The following PDE4D variants were observed in gnomAD, a reference collection of about 807,000 sequenced individuals.
The protein encoded by PDE4D is phosphodiesterase 4D, also known as 3',5'-cyclic-AMP phosphodiesterase 4D.
In PDE4D, 24 loss-of-function variants were observed where a neutral mutation model predicts 87.4. The observed-to-expected ratio is 0.27, with a 90% CI of 0.20 to 0.39. The LOEUF is 0.39. PDE4D is among the 10% of genes least tolerant of loss of function. PDE4D has a pLI of 1.00. For missense variants in PDE4D, 714 were observed against 1,041.0 expected (o/e 0.69, Z 4.32); for synonymous variants, 384 against 383.2 (o/e 1.00, Z -0.02).
chr5:59,836,538 C>T, intron 1 of PDE4D, among the ~76,000 whole-genome samples: 1 of 151,904 alleles, frequency 6.6e-6, no homozygotes, highest in Non-Finnish European at 1.5e-5. Flanking sequence ...GGATTGAAGG[C>T]TGAGCTCAGC....
intron 1 of PDE4D, among the ~76,000 whole-genome samples, chr5:59,763,619 T>C (rs965955423): frequency 1.3e-5 from 2 of 152,206 alleles, no homozygotes; most frequent in Admixed American, 1.3e-4. Flanking sequence ...AAGAACTTCC[T>C]GATTTCAATT....
chr5:59,971,100 C>A (rs932662322), intron 3 of PDE4D, among the ~76,000 whole-genome samples: 5 of 150,654 alleles, frequency 3.3e-5, no homozygotes, highest in African/African-American at 1.2e-4. Flanking sequence ...AGTAAACTAT[C>A]GCAAGAACAA....
intron 5 of PDE4D, among the ~76,000 whole-genome samples, chr5:59,169,638 CTGTT>C (rs1782453501): frequency 6.6e-6 from 1 of 152,128 alleles, no homozygotes; most frequent in Non-Finnish European, 1.5e-5. Flanking sequence ...CTGGGCTGCA[CTGTT>C]TGTTAGATGA....
chr5:59,713,354 C>T (rs868098621), intron 1 of PDE4D, among the ~76,000 whole-genome samples: 3 of 152,286 alleles, frequency 2.0e-5, no homozygotes, highest in African/African-American at 4.8e-5. Flanking sequence ...AACTACACCA[C>T]GTAAGGCGCA....
intron 3 of PDE4D, among the ~76,000 whole-genome samples, chr5:59,956,246 C>T (rs548246144): frequency 7.9e-4 from 120 of 152,232 alleles, no homozygotes; most frequent in African/African-American, 2.7e-3. Context: ...AACCACACAA[C>T]TAATAACAAC....
chr5:59,082,726 A>G (rs1428211201), intron 5 of PDE4D, among the ~76,000 whole-genome samples: 1 of 151,512 alleles, frequency 6.6e-6, no homozygotes, highest in African/African-American at 2.4e-5. Flanking sequence ...AGTCAATATT[A>G]TAAAGATATC....
intron 1 of PDE4D, among the ~76,000 whole-genome samples, chr5:59,326,194 C>A (rs1775623100): frequency 6.6e-6 from 1 of 151,776 alleles, no homozygotes; most frequent in Non-Finnish European, 1.5e-5. Context: ...GTGCAGCACA[C>A]CAATATGGCA....
chr5:60,282,430 G>A, intron 1 of PDE4D, among the ~76,000 whole-genome samples: 1 of 152,060 alleles, frequency 6.6e-6, no homozygotes, highest in East Asian at 1.9e-4. Context: ...TTCAGTGACA[G>A]TGAAAACATT....
chr5:59,319,745 G>T (rs1332500171), intron 1 of PDE4D, among the ~76,000 whole-genome samples: 2 of 152,062 alleles, frequency 1.3e-5, no homozygotes, highest in African/African-American at 2.4e-5. Context: ...ACTTATACAT[G>T]CACAGTTAAA....
intron 1 of PDE4D, among the ~76,000 whole-genome samples, chr5:60,201,574 T>C (rs1741914006): frequency 6.6e-6 from 1 of 152,168 alleles, no homozygotes; most frequent in Non-Finnish European, 1.5e-5. Context: ...CACACATACA[T>C]GCAAGCAGAG....
At chr5:60,498,421 A>T (rs1205079250) in intron 1 of PDE4D, among the ~76,000 whole-genome samples, 1 of 152,160 alleles carries the variant, frequency 6.6e-6, no homozygotes, top group Non-Finnish European at 1.5e-5. Flanking sequence ...AGTGTAAAAC[A>T]TTGACTCTCT....
intron 1 of PDE4D, among the ~76,000 whole-genome samples, chr5:60,378,391 G>A (rs73108631): frequency 0.081 from 12,321 of 151,992 alleles, 865 homozygotes; most frequent in African/African-American, 0.18. Flanking sequence ...ATTTACCTTC[G>A]TTCAATATCC....
intron 1 of PDE4D, among the ~76,000 whole-genome samples, chr5:59,395,568 A>G (rs1448525461): frequency 1.3e-5 from 2 of 150,754 alleles, no homozygotes; most frequent in Admixed American, 6.6e-5. Context: ...CATCCACACC[A>G]AAAACCCATC....
intron 1 of PDE4D, among the ~76,000 whole-genome samples, chr5:60,315,821 T>G (rs112576232): frequency 0.054 from 8,168 of 150,450 alleles, 764 homozygotes; most frequent in African/African-American, 0.19. Flanking sequence ...ATTTCTGAGG[T>G]CTCTGTTCTG....
chr5:60,092,320 T>A, intron 2 of PDE4D, among the ~76,000 whole-genome samples: 1 of 151,894 alleles, frequency 6.6e-6, no homozygotes, highest in East Asian at 1.9e-4. Context: ...TGAAGAGAAT[T>A]TGGTTAATGT....
At chr5:59,559,684 C>T (rs1268159308) in intron 1 of PDE4D, among the ~76,000 whole-genome samples, 1 of 152,050 alleles carries the variant, frequency 6.6e-6, no homozygotes, top group Non-Finnish European at 1.5e-5. Context: ...TGATAAAATA[C>T]ACTTTAAAGA....
chr5:60,220,012 A>G (rs1744307004), intron 1 of PDE4D, among the ~76,000 whole-genome samples: 1 of 152,222 alleles, frequency 6.6e-6, no homozygotes, highest in African/African-American at 2.4e-5. Context: ...ATGGACTAGT[A>G]TAGTTCACAT....
intron 3 of PDE4D, among the ~76,000 whole-genome samples, chr5:59,980,437 T>C (rs901536768): frequency 6.6e-6 from 1 of 152,224 alleles, no homozygotes; most frequent in Non-Finnish European, 1.5e-5. Context: ...CCAATCTCTA[T>C]TACTAAAACA....
At chr5:60,475,043 A>T (rs554626838) in intron 1 of PDE4D, among the ~76,000 whole-genome samples, 3 of 152,288 alleles carry the variant, frequency 2.0e-5, no homozygotes, top group Non-Finnish European at 4.4e-5. Context: ...TATGTAAAAG[A>T]GTCTTTTTTT....
Sources: allele counts gnomAD v4.1 joint callset (sites outside exome capture counted in the v4.1 genomes callset), GRCh38; gene constraint gnomAD v4.1.1; transcripts MANE v1.5; gene names NCBI Gene and HGNC (gene_info 2026-07-23, HGNC 2026-07-21).